PLCL2: variants seen among roughly 807,000 people sequenced by gnomAD.
PLCL2 encodes phospholipase C like 2, also known as inactive phospholipase C-like protein 2.
A neutral mutation model predicts 79.6 loss-of-function variants in PLCL2; 4 were observed. That is an observed-to-expected ratio of 0.05 (90% CI 0.02 to 0.11). PLCL2 has a LOEUF of 0.11. Among genes scored for constraint, PLCL2 ranks in the 10% least tolerant of loss-of-function variants. The probability of loss-of-function intolerance (pLI) is 1.00; values close to 1 mark genes in which losing one functional copy is unlikely to be tolerated. For synonymous variants in PLCL2, 484 were observed against 457.7 expected (o/e 1.06, Z -0.73); for missense variants, 895 against 1,291.0 (o/e 0.69, Z 4.70).
chr3:17,081,876 T>C (rs922343368), intron 5 of PLCL2, among the ~76,000 whole-genome samples: 2 of 152,220 alleles, frequency 1.3e-5, no homozygotes, highest in Non-Finnish European at 2.9e-5. Flanking sequence ...TTAAATATTT[T>C]GACCTAAGGT....
chr3:17,016,381 A>G (rs1414990883), intron 3 of PLCL2, among the ~76,000 whole-genome samples: 2 of 152,200 alleles, frequency 1.3e-5, no homozygotes, highest in East Asian at 1.9e-4. Context: ...CCTTCTTAGC[A>G]TTCATGGTAA....
rs774032875 is a variant in PLCL2, at chr3:17,011,697, A to G, written c.2351A>G (p.Tyr784Cys). The G allele has an allele frequency of 1.2e-6, 2 of 1,614,142 alleles. No individual in the cohort carries two copies. Among genetic ancestry groups the G allele is most frequent in the Non-Finnish European group, 1.7e-6 (2 of 1,180,008 alleles). The change falls in exon 2 of 6, where the codon TAT becomes TGT. Residue 784 changes from tyrosine (Y) to cysteine (C), a missense_variant. Tyr to Cys is a radical substitution (Grantham distance 194). Transcript: ENST00000615277. The surrounding 1 kb of genome is among the most constrained non-coding windows in gnomAD (Gnocchi z 7.9). ...GGTGATGTGGTAGATCCTTATGTCT[A>G]TGTTGAAATCCATGGAATCCCTGCT... ...AKGDVVDPYVYVEIHGIPADC... is the reference protein window; with the variant it reads ...AKGDVVDPYVCVEIHGIPADC...
intron 3 of PLCL2, among the ~76,000 whole-genome samples, chr3:17,025,175 A>G (rs1213494882): frequency 6.6e-6 from 1 of 152,218 alleles, no homozygotes; most frequent in Non-Finnish European, 1.5e-5. Context: ...GAAAGTGTGT[A>G]AAGTTGCAGT....
chr3:17,051,642 T>C (rs191714693), intron 4 of PLCL2, among the ~76,000 whole-genome samples: 1 of 152,136 alleles, frequency 6.6e-6, no homozygotes, highest in East Asian at 1.9e-4. Context: ...TTTGTGCAGA[T>C]GCAGTCAGGT....
At chr3:16,970,871 T>C (rs1232516594) in intron 1 of PLCL2, among the ~76,000 whole-genome samples, 2 of 147,890 alleles carry the variant, frequency 1.4e-5, no homozygotes, top group African/African-American at 4.9e-5. Flanking sequence ...TTTTGAGAAG[T>C]GTCTGTTCAT....
In PLCL2 at chr3:17,009,958, C is replaced by A. The variant is rs28932173; in HGVS notation, c.612C>A (p.Arg204=). ...VRTGKNTDIF[R]SNGISDQISE... The stretch of plus-strand genomic sequence containing the variant: ...CAGGAAAAAACACAGACATATTCCG[C>A]AGCAATGGCATTTCTGACCAGATAT... Residue 204 remains arginine (R), a synonymous_variant, in exon 2 of 6, where the codon CGC becomes CGA. Coordinates refer to ENST00000615277, the MANE Select transcript of PLCL2 (RefSeq NM_001144382.2). The surrounding 1 kb of genome is among the most constrained non-coding windows in gnomAD (Gnocchi z 4.0). 0.032 allele frequency: 51,982 copies of A among 1,613,958 alleles called. 1,460 individuals carry two copies. Among genetic ancestry groups the A allele is most frequent in the Admixed American group, 0.14 (8,373 of 60,022 alleles).
chr3:17,065,977 T>C (rs1302265628), intron 4 of PLCL2, among the ~76,000 whole-genome samples: 1 of 152,222 alleles, frequency 6.6e-6, no homozygotes, highest in Non-Finnish European at 1.5e-5. Flanking sequence ...TATTCCTGTT[T>C]GGAAATCCAG....
chr3:17,000,674 A>T (rs1363753828), intron 1 of PLCL2, among the ~76,000 whole-genome samples: 1 of 152,102 alleles, frequency 6.6e-6, no homozygotes, highest in Non-Finnish European at 1.5e-5. Context: ...CTATGAGTAC[A>T]TGTGACATTC....
intron 1 of PLCL2, among the ~76,000 whole-genome samples, chr3:16,994,423 G>A (rs1231059324): frequency 6.6e-6 from 1 of 152,068 alleles, no homozygotes; most frequent in Non-Finnish European, 1.5e-5. Context: ...GTATATTGTT[G>A]CTCTCTGCCA....
At chr3:17,061,522 T>C (rs2064953560) in intron 4 of PLCL2, among the ~76,000 whole-genome samples, 1 of 152,112 alleles carries the variant, frequency 6.6e-6, no homozygotes, top group Admixed American at 6.5e-5. Flanking sequence ...ATTCATTTTT[T>C]GTCATTAAGC....
chr3:16,920,069 CTG>C (rs759086573), intron 1 of PLCL2, among the ~76,000 whole-genome samples: 5 of 152,088 alleles, frequency 3.3e-5, no homozygotes, highest in African/African-American at 4.8e-5. Context: ...GGCAAATATC[CTG>C]TGTGTTTTTA....
chr3:17,012,210 A>T, intron 2 of PLCL2, 50 bp downstream of exon 2: 2 of 1,498,524 alleles, frequency 1.3e-6, no homozygotes, highest in East Asian at 4.6e-5. Context: ...TACTTTGTAC[A>T]TGTCCATAGT....
At chr3:17,043,695 A>G (rs1302181795) in intron 4 of PLCL2, among the ~76,000 whole-genome samples, 1 of 151,916 alleles carries the variant, frequency 6.6e-6, no homozygotes, top group Non-Finnish European at 1.5e-5. Context: ...AAGAAACTAT[A>G]TTGCCTACCC....
chr3:17,018,382 G>A (rs1575589492), intron 3 of PLCL2, among the ~76,000 whole-genome samples: 1 of 152,176 alleles, frequency 6.6e-6, no homozygotes, highest in Admixed American at 6.5e-5. Context: ...TTTAAATGAG[G>A]CGTCTTTGTC....
At chr3:16,905,028 T>C (rs1696719215) in intron 1 of PLCL2, among the ~76,000 whole-genome samples, 2 of 152,190 alleles carry the variant, frequency 1.3e-5, no homozygotes, top group African/African-American at 4.8e-5. Flanking sequence ...ACAGGAATGG[T>C]ACAGCTCTGG....
At position 17,011,946 on chromosome 3, in the gene PLCL2, A is replaced by T; in HGVS notation, c.2600A>T (p.Glu867Val). ...GTCCCCCTGCAGTCCTTAACTGGAG[A>T]GGTCCTTGCACATGCTTCTTTATTT... The part of the protein sequence containing the change: ...RHVPLQSLTG[E>V]VLAHASLFVH... Residue 867 changes from glutamate (E) to valine (V), a missense_variant, in exon 2 of 6, where the codon GAG (glutamate) becomes GTG (valine). Coordinates refer to ENST00000615277, the MANE Select transcript of PLCL2 (RefSeq NM_001144382.2). This position sits in a 1 kb window ranked among gnomAD's most constrained non-coding sequence, Gnocchi z 7.9. The T allele has an allele frequency of 6.2e-7, 1 of 1,614,166 alleles. No individual in the cohort carries two copies. The highest frequency in any genetic ancestry group is 8.5e-7 in the Non-Finnish European group (1 of 1,180,000).
chr3:16,983,965 A>G (rs1466826290), intron 1 of PLCL2, among the ~76,000 whole-genome samples: 1 of 152,222 alleles, frequency 6.6e-6, no homozygotes, highest in Non-Finnish European at 1.5e-5. Flanking sequence ...TTTACTGTAT[A>G]TTATGAAGAC....
chr3:16,911,867 C>T (rs1273336971), intron 1 of PLCL2, among the ~76,000 whole-genome samples: 1 of 152,176 alleles, frequency 6.6e-6, no homozygotes, highest in East Asian at 1.9e-4. Flanking sequence ...AAATTCCATA[C>T]CCTAACAGCA....
At chr3:16,899,931 C>A (rs1415181755) in intron 1 of PLCL2, among the ~76,000 whole-genome samples, 2 of 146,260 alleles carry the variant, frequency 1.4e-5, no homozygotes, top group African/African-American at 5.0e-5. Context: ...TTTCAACATT[C>A]CCTGCTTTGC....
Sources: gnomAD v4.1 joint callset for allele counts (sites outside exome capture counted in the v4.1 genomes callset) on GRCh38, gnomAD v4.1.1 for gene constraint, Gnocchi (gnomAD v3.1) non-coding constraint, MANE v1.5 for transcripts, NCBI Gene and HGNC (gene_info 2026-07-23, HGNC 2026-07-21) for gene names.